SPSB4: variants seen among roughly 807,000 people sequenced by gnomAD.
SPSB4 encodes splA/ryanodine receptor domain and SOCS box containing 4, also known as SPRY domain-containing SOCS box protein 4.
Under a neutral mutation model 20.9 loss-of-function variants are expected in SPSB4, and 21 were observed. The ratio of observed to expected loss-of-function variants is 1.01; its 90% CI spans 0.71 to 1.45. SPSB4 has a LOEUF of 1.45. SPSB4 is among the 40% of genes most tolerant of loss of function. The pLI is 0.00. For synonymous variants in SPSB4, 207 were observed against 183.8 expected (o/e 1.13, Z -1.02); for missense variants, 399 against 399.2 (o/e 1.00, Z 0.00).
intron 2 of SPSB4, among the ~76,000 whole-genome samples, chr3:141,094,257 G>C (rs539760062): frequency 6.6e-6 from 1 of 152,328 alleles, no homozygotes; most frequent in East Asian, 1.9e-4. Flanking sequence ...GAGCCTGGTT[G>C]GTCTGTGTAC....
intron 2 of SPSB4, among the ~76,000 whole-genome samples, chr3:141,084,528 C>T: frequency 6.6e-6 from 1 of 152,196 alleles, no homozygotes; most frequent in Non-Finnish European, 1.5e-5. Context: ...AGGCAGCTGC[C>T]CTGTCAATCA....
At chr3:141,095,223 G>A (rs765754288) in intron 2 of SPSB4, among the ~76,000 whole-genome samples, 12 of 152,140 alleles carry the variant, frequency 7.9e-5, no homozygotes, top group Non-Finnish European at 1.5e-4. Flanking sequence ...CGCAGTCCCC[G>A]GAGAGTTGCT....
intron 2 of SPSB4, among the ~76,000 whole-genome samples, chr3:141,115,671 G>C (rs538585102): frequency 6.6e-6 from 1 of 152,208 alleles, no homozygotes; most frequent in East Asian, 1.9e-4. Flanking sequence ...CTTGAAACTA[G>C]AAGCGGAAGT....
intron 2 of SPSB4, among the ~76,000 whole-genome samples, chr3:141,093,815 C>T (rs763877433): frequency 6.6e-6 from 1 of 152,230 alleles, no homozygotes; most frequent in Non-Finnish European, 1.5e-5. Flanking sequence ...CCCACTCCTC[C>T]AGCCCTCCAG....
intron 2 of SPSB4, among the ~76,000 whole-genome samples, chr3:141,141,624 C>T (rs757354626): frequency 1.3e-5 from 2 of 152,178 alleles, no homozygotes; most frequent in Non-Finnish European, 2.9e-5. Context: ...AGATTAGTAC[C>T]AATTCTTCTT....
At chr3:141,125,302 G>A (rs1250054889) in intron 2 of SPSB4, among the ~76,000 whole-genome samples, 1 of 152,186 alleles carries the variant, frequency 6.6e-6, no homozygotes, top group Non-Finnish European at 1.5e-5. Context: ...ATTTTCTGAT[G>A]AGGTTAGCTC....
At chr3:141,056,713 T>A (rs1488527568) in intron 1 of SPSB4, among the ~76,000 whole-genome samples, 1 of 152,248 alleles carries the variant, frequency 6.6e-6, no homozygotes, top group East Asian at 1.9e-4. Flanking sequence ...ATCTTCTCCC[T>A]TCATGCTTTG....
intron 2 of SPSB4, among the ~76,000 whole-genome samples, chr3:141,121,526 C>A (rs1341279179): frequency 6.6e-6 from 1 of 152,218 alleles, no homozygotes; most frequent in Non-Finnish European, 1.5e-5. Context: ...TGGATCCATT[C>A]TCCCCATCAC....
chr3:141,144,522 C>T (rs1350541456), intron 2 of SPSB4, among the ~76,000 whole-genome samples: 6 of 152,328 alleles, frequency 3.9e-5, no homozygotes, highest in South Asian at 4.1e-4. Context: ...GCGCAGCCAA[C>T]GTTGGGCACT....
chr3:141,122,087 A>G (rs1938976729), intron 2 of SPSB4, among the ~76,000 whole-genome samples: 1 of 152,192 alleles, frequency 6.6e-6, no homozygotes, highest in African/African-American at 2.4e-5. Context: ...GGTGACCTAC[A>G]GATGGGGTTT....
At chr3:141,143,701 G>A (rs1012538487) in intron 2 of SPSB4, among the ~76,000 whole-genome samples, 2 of 152,242 alleles carry the variant, frequency 1.3e-5, no homozygotes, top group Non-Finnish European at 2.9e-5. Context: ...TTGGAGCAAG[G>A]TTGTTCTGTC....
intron 2 of SPSB4, among the ~76,000 whole-genome samples, chr3:141,099,981 G>A (rs1361777898): frequency 6.6e-6 from 1 of 152,200 alleles, no homozygotes; most frequent in African/African-American, 2.4e-5. Context: ...TTGTGATAGT[G>A]GCTGTCATCA....
At chr3:141,135,847 G>A (rs1939219601) in intron 2 of SPSB4, among the ~76,000 whole-genome samples, 2 of 152,002 alleles carry the variant, frequency 1.3e-5, no homozygotes, top group South Asian at 4.2e-4. Flanking sequence ...TAATCCTTTG[G>A]GTATATACCC....
chr3:141,062,193 G>A (rs975156095), intron 1 of SPSB4, among the ~76,000 whole-genome samples: 1 of 152,150 alleles, frequency 6.6e-6, no homozygotes, highest in African/African-American at 2.4e-5. Context: ...GCCTCCAGAT[G>A]GAATTTGTCC....
Position 141,066,110 on chromosome 3 carries a change from C to T in SPSB4, c.6C>T (p.Gly2=). The T allele has an allele frequency of 6.6e-7, 1 of 1,526,600 alleles. No homozygotes were observed. The highest frequency in any genetic ancestry group is 1.4e-5 in the African/African-American group (1 of 70,412). 94.6% of individuals were successfully genotyped at this position (1,526,600 alleles called of 1,614,324 possible). A position where few individuals can be genotyped will look rare whatever the true frequency, so the allele number is the denominator to read the frequency against. Residue 2 remains glycine, a synonymous_variant, in exon 2 of 3, where the codon GGC becomes GGT. Transcript: ENST00000310546. The stretch of plus-strand genomic sequence containing the variant: ...CCTCCTCCCCGCAGTGAAGCATGGG[C>T]CAGAAGCTCTCGGGGAGCCTCAAGT... M[G]QKLSGSLKSV... is the part of the protein sequence containing the mutation.
intron 1 of SPSB4, among the ~76,000 whole-genome samples, chr3:141,056,139 A>G (rs908266419): frequency 1.3e-5 from 2 of 152,214 alleles, no homozygotes; most frequent in East Asian, 1.9e-4. Flanking sequence ...CTACACTTCA[A>G]TGTGCTGGTA....
intron 2 of SPSB4, among the ~76,000 whole-genome samples, chr3:141,072,066 T>G (rs1938019573): frequency 6.6e-6 from 1 of 152,254 alleles, no homozygotes; most frequent in African/African-American, 2.4e-5. Context: ...TTGGCCCCTC[T>G]GGGCCTGGTC....
At chr3:141,116,763 A>G (rs1477195238) in intron 2 of SPSB4, among the ~76,000 whole-genome samples, 2 of 152,212 alleles carry the variant, frequency 1.3e-5, no homozygotes, top group South Asian at 2.1e-4. Flanking sequence ...ACTTACTACA[A>G]CTATAATGTT....
chr3:141,144,077 T>C (rs1243283482), intron 2 of SPSB4, among the ~76,000 whole-genome samples: 2 of 152,234 alleles, frequency 1.3e-5, no homozygotes, highest in Non-Finnish European at 2.9e-5. Flanking sequence ...CAAACCTGGA[T>C]TGGAGGACAA....
Sources: allele counts gnomAD v4.1 joint callset (sites outside exome capture counted in the v4.1 genomes callset), GRCh38; gene constraint gnomAD v4.1.1; transcripts MANE v1.5; gene names NCBI Gene and HGNC (gene_info 2026-07-23, HGNC 2026-07-21).